Variants in CHRM3 observed in about 807,000 individuals in gnomAD.
CHRM3 encodes muscarinic acetylcholine receptor M3.
In CHRM3, 11 loss-of-function variants were observed where a neutral mutation model predicts 41.8. The ratio of observed to expected loss-of-function variants is 0.26; its 90% CI spans 0.17 to 0.44. The LOEUF (loss-of-function observed/expected upper bound fraction) is 0.44. Among genes scored for constraint, CHRM3 ranks in the 20% least tolerant of loss-of-function variants. The pLI, the probability that CHRM3 is intolerant of heterozygous loss-of-function variation, is 1.00. For synonymous variants in CHRM3, 297 were observed against 301.4 expected (o/e 0.99, Z 0.15); for missense variants, 571 against 745.4 (o/e 0.77, Z 2.72).
intron 4 of CHRM3, among the ~76,000 whole-genome samples, chr1:239,673,234 G>T (rs1162030124): frequency 6.6e-6 from 1 of 152,140 alleles, no homozygotes; most frequent in Non-Finnish European, 1.5e-5. Context: ...CAGAGAATGG[G>T]GTAGGAATGG....
At chr1:239,530,209 A>AT (rs575268793) in intron 2 of CHRM3, among the ~76,000 whole-genome samples, 170 of 151,806 alleles carry the variant, frequency 1.1e-3, no homozygotes, top group Non-Finnish European at 1.5e-3. Context: ...GGCCCAAATT[A>AT]TTTTTTTTGT....
chr1:239,469,432 C>G (rs1181486255), intron 1 of CHRM3, among the ~76,000 whole-genome samples: 1 of 152,220 alleles, frequency 6.6e-6, no homozygotes, highest in Non-Finnish European at 1.5e-5. Context: ...TTAACAAATG[C>G]ACGTTTGAGG....
Position 239,457,315 on chromosome 1 carries a change from C to G in CHRM3, c.-520-35394C>G, listed in dbSNP as rs145695658. Among the ~76,000 whole-genome samples, 46 of 152,224 alleles carry G rather than the reference C, an allele frequency of 3.0e-4. 1 individual carries two copies. Among genetic ancestry groups the G allele is most frequent in the African/African-American group, 1.0e-3 (43 of 41,554 alleles). On this transcript the variant is annotated intron_variant, in intron 1 of 6. Coordinates refer to ENST00000676153, the MANE Select transcript of CHRM3 (RefSeq NM_001375978.1). ...CTCTCAATATGATGCTTGACATATGCTAAGCAACCTAAGATATTAGCAGTT... is the reference window on the plus strand; with the variant it reads ...CTCTCAATATGATGCTTGACATATGGTAAGCAACCTAAGATATTAGCAGTT...
intron 3 of CHRM3, among the ~76,000 whole-genome samples, chr1:239,562,686 A>G (rs1239077927): frequency 1.3e-5 from 2 of 151,990 alleles, no homozygotes; most frequent in Admixed American, 1.3e-4. Context: ...TCAGGAGTTC[A>G]ACACCAGCCT....
chr1:239,735,958 A>G (rs1558497996), intron 5 of CHRM3, among the ~76,000 whole-genome samples: 1 of 152,148 alleles, frequency 6.6e-6, no homozygotes, highest in East Asian at 1.9e-4. Context: ...ACTATGGAAA[A>G]TAAATTAATG....
intron 4 of CHRM3, among the ~76,000 whole-genome samples, chr1:239,652,776 T>C (rs1672352214): frequency 6.6e-6 from 1 of 152,090 alleles, no homozygotes. Flanking sequence ...AGCCTTATTT[T>C]CTTCCTTCAT....
At chr1:239,761,491 A>T (rs971496754) in intron 5 of CHRM3, among the ~76,000 whole-genome samples, 27 of 152,138 alleles carry the variant, frequency 1.8e-4, no homozygotes, top group Middle Eastern at 3.2e-3. Context: ...TGGGTCGTAG[A>T]CTTTCTGTAT....
chr1:239,634,929 G>A (rs1429748879), intron 4 of CHRM3, among the ~76,000 whole-genome samples: 1 of 152,192 alleles, frequency 6.6e-6, no homozygotes, highest in Non-Finnish European at 1.5e-5. Context: ...GAAGGTATAA[G>A]TTATTCTGAT....
At chr1:239,864,548 A>ACG (rs1553288501) in intron 6 of CHRM3, among the ~76,000 whole-genome samples, 27 of 148,036 alleles carry the variant, frequency 1.8e-4, no homozygotes, top group South Asian at 6.3e-4. Context: ...ACACACACGC[A>ACG]CACACACACA....
intron 5 of CHRM3, among the ~76,000 whole-genome samples, chr1:239,813,714 G>A (rs1671306702): frequency 7.4e-6 from 1 of 135,374 alleles, no homozygotes; most frequent in Non-Finnish European, 1.6e-5. Flanking sequence ...TCAGGAGATC[G>A]AGACCATCCT....
chr1:239,848,194 G>C (rs1674426051), intron 6 of CHRM3, among the ~76,000 whole-genome samples: 1 of 152,034 alleles, frequency 6.6e-6, no homozygotes, highest in Non-Finnish European at 1.5e-5. Flanking sequence ...AATAAAATTA[G>C]CTCTGACTCA....
intron 1 of CHRM3, among the ~76,000 whole-genome samples, chr1:239,410,575 G>A (rs974366631): frequency 5.3e-5 from 8 of 152,134 alleles, no homozygotes; most frequent in Non-Finnish European, 1.5e-5. Context: ...TGGCCACGGC[G>A]AGACAGCAGT....
In CHRM3 at chr1:239,824,544, A is replaced by T. The variant is rs2149065583; in HGVS notation, c.-146-2708A>T. Among the ~76,000 whole-genome samples, 2 of 152,338 alleles carry T rather than the reference A, an allele frequency of 1.3e-5. 1 individual carries two copies. On this transcript the variant is annotated intron_variant, in intron 5 of 6. Transcript: ENST00000676153. ...AATATATTGATTCTTGCTCCCTGTA[A>T]GGGGGAAAAGCAGTCTAAAACAATT...
intron 5 of CHRM3, among the ~76,000 whole-genome samples, chr1:239,786,686 G>A (rs1442913475): frequency 6.6e-6 from 1 of 151,960 alleles, no homozygotes; most frequent in African/African-American, 2.4e-5. Context: ...ATCTCACACC[G>A]CAGGGTGCCG....
intron 1 of CHRM3, among the ~76,000 whole-genome samples, chr1:239,475,025 T>A (rs552952770): frequency 1.3e-5 from 2 of 152,208 alleles, no homozygotes; most frequent in Non-Finnish European, 2.9e-5. Flanking sequence ...TTAAATTATG[T>A]TTTTATGTCT....
At chr1:239,530,562 A>C (rs1163399306) in intron 2 of CHRM3, among the ~76,000 whole-genome samples, 1 of 152,236 alleles carries the variant, frequency 6.6e-6, no homozygotes, top group African/African-American at 2.4e-5. Flanking sequence ...TACAAACGTC[A>C]GTGGATTTCA....
chr1:239,609,307 A>G (rs1172970270), intron 3 of CHRM3, among the ~76,000 whole-genome samples: 1 of 152,230 alleles, frequency 6.6e-6, no homozygotes, highest in Non-Finnish European at 1.5e-5. Context: ...AGATTTATGT[A>G]TACTTTTGTG....
intron 4 of CHRM3, among the ~76,000 whole-genome samples, chr1:239,666,786 G>C (rs1024703141): frequency 6.6e-6 from 1 of 152,116 alleles, no homozygotes. Context: ...CAGGAAGTGA[G>C]CATAGTGTCC....
At chr1:239,429,780 G>A (rs1662675500) in intron 1 of CHRM3, among the ~76,000 whole-genome samples, 1 of 144,026 alleles carries the variant, frequency 6.9e-6, no homozygotes, top group Non-Finnish European at 1.5e-5. Context: ...CTTCTCGTAG[G>A]GAGTTTTTTT....
Sources: allele counts gnomAD v4.1 joint callset (sites outside exome capture counted in the v4.1 genomes callset), GRCh38; gene constraint gnomAD v4.1.1; transcripts MANE v1.5; gene names NCBI Gene and HGNC (gene_info 2026-07-23, HGNC 2026-07-21).